CDH18: variants seen among roughly 807,000 people sequenced by gnomAD.
The protein encoded by CDH18 is cadherin-18.
A neutral mutation model predicts 67.9 loss-of-function variants in CDH18; 31 were observed. The ratio of observed to expected loss-of-function variants is 0.46; its 90% CI spans 0.34 to 0.62. CDH18 has a LOEUF of 0.62. Among genes scored for constraint, CDH18 ranks in the 20% least tolerant of loss-of-function variants. The probability of loss-of-function intolerance (pLI) is 0.01; values close to 1 mark genes in which losing one functional copy is unlikely to be tolerated. For missense variants in CDH18, 890 were observed against 975.5 expected (o/e 0.91, Z 1.17); for synonymous variants, 362 against 347.2 (o/e 1.04, Z -0.48).
intron 1 of CDH18, among the ~76,000 whole-genome samples, chr5:20,335,238 G>A (rs992445088): frequency 6.6e-6 from 1 of 151,978 alleles, no homozygotes; most frequent in African/African-American, 2.4e-5. Context: ...TTTCTAACAT[G>A]CTAAGTCTCT....
chr5:20,306,202 T>A (rs1050576432), intron 1 of CDH18, among the ~76,000 whole-genome samples: 3 of 152,176 alleles, frequency 2.0e-5, no homozygotes, highest in Non-Finnish European at 4.4e-5. Flanking sequence ...AATGCTTCAA[T>A]ATAAATTACT....
chr5:19,915,185 C>T (rs914369875), intron 2 of CDH18, among the ~76,000 whole-genome samples: 2 of 152,126 alleles, frequency 1.3e-5, no homozygotes, highest in Non-Finnish European at 2.9e-5. Flanking sequence ...GACTCTTCTA[C>T]TAATTTGCTT....
chr5:19,674,736 AAAT>A (rs1361647463), intron 5 of CDH18, among the ~76,000 whole-genome samples: 1 of 152,186 alleles, frequency 6.6e-6, no homozygotes, highest in Admixed American at 6.6e-5. Flanking sequence ...GAAAGCTTCC[AAAT>A]AATATTTTAT....
At chr5:20,535,084 A>G (rs1756637811) in intron 1 of CDH18, among the ~76,000 whole-genome samples, 2 of 152,246 alleles carry the variant, frequency 1.3e-5, no homozygotes, top group South Asian at 4.1e-4. Context: ...GTTAAAAATC[A>G]TGGATTCAGA....
intron 2 of CDH18, among the ~76,000 whole-genome samples, chr5:20,010,159 G>GGTGTGTGTGTGT (rs35461877): frequency 2.8e-4 from 41 of 146,392 alleles, no homozygotes; most frequent in African/African-American, 8.0e-4. Context: ...AGTGGAAAGT[G>GGTGTGTGTGTGT]GTGTGTGTGT....
intron 5 of CDH18, among the ~76,000 whole-genome samples, chr5:19,696,756 G>A (rs532132625): frequency 6.6e-6 from 1 of 152,136 alleles, no homozygotes; most frequent in South Asian, 2.1e-4. Flanking sequence ...GAGAGTACGG[G>A]AACCACCAAG....
chr5:20,222,803 G>A (rs1741334711), intron 2 of CDH18, among the ~76,000 whole-genome samples: 1 of 151,892 alleles, frequency 6.6e-6, no homozygotes, highest in Admixed American at 6.6e-5. Context: ...AATTGTGCAT[G>A]TTTTCTGACA....
chr5:20,498,546 C>T (rs1309799596), intron 1 of CDH18, among the ~76,000 whole-genome samples: 1 of 151,950 alleles, frequency 6.6e-6, no homozygotes, highest in East Asian at 1.9e-4. Context: ...TATATTAACT[C>T]CATGATTAAC....
At chr5:19,792,927 G>A (rs1046080097) in intron 3 of CDH18, among the ~76,000 whole-genome samples, 5 of 152,122 alleles carry the variant, frequency 3.3e-5, no homozygotes, top group South Asian at 4.1e-4. Flanking sequence ...TTGTGATTAC[G>A]TTAGATAGCA....
chr5:20,445,093 T>C (rs1749907056), intron 1 of CDH18, among the ~76,000 whole-genome samples: 1 of 152,194 alleles, frequency 6.6e-6, no homozygotes, highest in African/African-American at 2.4e-5. Context: ...TATAGTAGCA[T>C]TTTCTTCATT....
chr5:19,612,700 C>A, intron 5 of CDH18, 99 bp from the exon 6 acceptor site: 1 of 912,358 alleles, frequency 1.1e-6, no homozygotes, highest in Non-Finnish European at 1.7e-6. Flanking sequence ...TTTAAAATAG[C>A]ATATTTTTGG....
intron 11 of CDH18, among the ~76,000 whole-genome samples, chr5:19,502,447 A>T (rs1743408873): frequency 6.6e-6 from 1 of 152,164 alleles, no homozygotes; most frequent in Non-Finnish European, 1.5e-5. Flanking sequence ...ATTTTTAACC[A>T]CACTATACAG....
chr5:20,418,690 A>T (rs77272265), intron 1 of CDH18, among the ~76,000 whole-genome samples: 277 of 152,268 alleles, frequency 1.8e-3, no homozygotes, highest in Non-Finnish European at 2.5e-3. Context: ...GATTAATTGT[A>T]AGACAACTTA....
chr5:20,487,992 C>T (rs1753311014), intron 1 of CDH18, among the ~76,000 whole-genome samples: 1 of 152,042 alleles, frequency 6.6e-6, no homozygotes, highest in Admixed American at 6.6e-5. Context: ...TTGCTTTTAG[C>T]GATGGCCCAT....
In CDH18 at chr5:19,748,112, C is replaced by CAAAAAAAAAAAAAAAAAAAAAAAAAAA. The variant is rs766955714; in HGVS notation, c.229-877_229-876insTTTTTTTTTTTTTTTTTTTTTTTTTTT. Among the ~76,000 whole-genome samples the CAAAAAAAAAAAAAAAAAAAAAAAAAAA allele has an allele frequency of 1.7e-3, 25 of 14,858 alleles. 10 individuals are homozygous for CAAAAAAAAAAAAAAAAAAAAAAAAAAA. Among genetic ancestry groups the CAAAAAAAAAAAAAAAAAAAAAAAAAAA allele is most frequent in the Non-Finnish European group, 2.5e-3 (19 of 7,622 alleles). 9.7% of individuals were successfully genotyped at this position (14,858 alleles called of 152,430 possible). A position where few individuals can be genotyped will look rare whatever the true frequency, so the allele number is the denominator to read the frequency against. Reference sequence around the variant, plus strand: ...TGGGAGACAGAGCGAGACTCCATCTCAAAAAAAAAAAAAAAAAAAAAGAGT... The same window carrying CAAAAAAAAAAAAAAAAAAAAAAAAAAA: ...TGGGAGACAGAGCGAGACTCCATCTCAAAAAAAAAAAAAAAAAAAAAAAAAAAAAAAAAAAAAAAAAAAAAAAAGAGT... On this transcript the variant is annotated intron_variant, in intron 3 of 12. Transcript: ENST00000382275.
At chr5:20,492,685 T>C (rs1016856428) in intron 1 of CDH18, among the ~76,000 whole-genome samples, 1 of 152,226 alleles carries the variant, frequency 6.6e-6, no homozygotes, top group Non-Finnish European at 1.5e-5. Context: ...ATATTTAAGA[T>C]ATTTCATGTA....
chr5:20,308,407 G>T (rs945969913), intron 1 of CDH18, among the ~76,000 whole-genome samples: 1 of 151,972 alleles, frequency 6.6e-6, no homozygotes, highest in Non-Finnish European at 1.5e-5. Flanking sequence ...GCCGGGAGTG[G>T]CGGCAGGTGC....
At chr5:19,877,523 AG>A (rs1194994081) in intron 2 of CDH18, among the ~76,000 whole-genome samples, 1 of 152,206 alleles carries the variant, frequency 6.6e-6, no homozygotes, top group Admixed American at 6.5e-5. Flanking sequence ...TGCACATGAA[AG>A]AATTCAGTGT....
chr5:20,192,773 G>A (rs1345450604), intron 2 of CDH18, among the ~76,000 whole-genome samples: 1 of 152,062 alleles, frequency 6.6e-6, no homozygotes, highest in Non-Finnish European at 1.5e-5. Flanking sequence ...ATAATTTGAG[G>A]TCAGGTAGCA....
Sources: allele counts gnomAD v4.1 joint callset (sites outside exome capture counted in the v4.1 genomes callset), GRCh38; gene constraint gnomAD v4.1.1; transcripts MANE v1.5; gene names NCBI Gene and HGNC (gene_info 2026-07-23, HGNC 2026-07-21).